ATR: variants seen among roughly 807,000 people sequenced by gnomAD.
ATR encodes the protein serine/threonine-protein kinase ATR.
A neutral mutation model predicts 305.3 loss-of-function variants in ATR; 142 were observed. The ratio of observed to expected loss-of-function variants is 0.47; its 90% CI spans 0.41 to 0.53. ATR has a LOEUF of 0.53. Among genes scored for constraint, ATR ranks in the 20% least tolerant of loss-of-function variants. ATR has a pLI of 0.00. For synonymous variants in ATR, 1,050 were observed against 1,068.1 expected, an observed-to-expected ratio of 0.98 and a Z score of 0.33; for missense variants, 2,135 against 3,133.1, an observed-to-expected ratio of 0.68 and a Z score of 7.60.
At chr3:142,490,832 C>T (rs971047808) in intron 35 of ATR, among the ~76,000 whole-genome samples, 3 of 152,104 alleles carry the variant, frequency 2.0e-5, no homozygotes, top group Non-Finnish European at 4.4e-5. Flanking sequence ...TTAATTCACT[C>T]AATATTTTGA....
In ATR at chr3:142,453,231, A is replaced by T. The variant is rs1043401586; in HGVS notation, c.7658T>A (p.Val2553Asp). The change falls in exon 46 of 47, where the codon GTC (valine) becomes GAC (aspartate). Residue 2553 changes from valine to aspartate, a missense_variant and splice_region_variant. By Grantham distance (152) the Val-to-Asp change is radical. Around this residue, in one of 9 missense-constraint regions of ATR, gnomAD observed 462 missense variants for 887.6 expected, o/e 0.52. Transcript: ENST00000350721. ...MRDQREPLMS[V>D]LKTFLHDPLV... is the part of the protein sequence containing the mutation. Reference sequence around the variant, plus strand: ...AGGATCATGTAGAAAAGTCTTTAAGACACTAAAATTGAAACAAATATTATG... The same window carrying T: ...AGGATCATGTAGAAAAGTCTTTAAGTCACTAAAATTGAAACAAATATTATG... 2 of 1,612,438 alleles carry T rather than the reference A, an allele frequency of 1.2e-6. No individual in the cohort carries two copies. The highest frequency in any genetic ancestry group is 1.7e-6 in the Non-Finnish European group (2 of 1,178,612).
rs1042733748 is a variant in ATR at position 142,451,970 on chromosome 3, A to G, written c.7761+1158T>C. 5 of 1,112,278 alleles carry G rather than the reference A, an allele frequency of 4.5e-6. No individual in the cohort carries two copies. The African/African-American group carries it at 8.2e-5, about 18-fold the overall frequency. The allele number at this position is 1,112,278 out of a possible 1,614,324, so 68.9% of individuals were successfully genotyped here. A position where few individuals can be genotyped will look rare whatever the true frequency, so the allele number is the denominator to read the frequency against. On this transcript the variant is annotated intron_variant, in intron 46 of 46. Transcript: ENST00000350721. The stretch of plus-strand genomic sequence containing the variant: ...TATCTATCACTTAACGAAAAGGAAC[A>G]TGTCCCAGAGACCATCTGCTCTTCA...
chr3:142,515,149 G>C (rs1015522849), intron 25 of ATR, among the ~76,000 whole-genome samples: 3 of 151,888 alleles, frequency 2.0e-5, no homozygotes, highest in Non-Finnish European at 4.4e-5. Context: ...AGGAATAAAT[G>C]TAATTTTACA....
chr3:142,529,864 T>A (rs1467413959), intron 21 of ATR, among the ~76,000 whole-genome samples: 1 of 152,184 alleles, frequency 6.6e-6, no homozygotes, highest in Admixed American at 6.5e-5. Flanking sequence ...TTGAAGACTT[T>A]TTATTATTAA....
At position 142,498,664 on chromosome 3, in the gene ATR, T is replaced by C. The variant is rs2108341063; in HGVS notation, c.5491A>G (p.Ile1831Val). ...DSLKLVRAEQIVPLSAASFER... is the reference protein window; with the variant it reads ...DSLKLVRAEQVVPLSAASFER... ...AAGCTTGCAGCTGAAAGAGGTACAA[T>C]TTGTTCTGCTCTCACTAGTTTCAGT... Residue 1831 changes from isoleucine (I) to valine (V), a missense_variant, in exon 32 of 47, where the codon ATT becomes GTT. Transcript: ENST00000350721. 6.2e-7 allele frequency: 1 copy of C among 1,614,116 alleles called. No individual in the cohort carries two copies. The highest frequency in any genetic ancestry group is 8.5e-7 in the Non-Finnish European group (1 of 1,180,008).
intron 2 of ATR, among the ~76,000 whole-genome samples, chr3:142,567,219 T>C (rs561736788): frequency 9.9e-5 from 15 of 152,146 alleles, no homozygotes; most frequent in Admixed American, 3.3e-4. Context: ...CTAATAATTA[T>C]AATACAATAT....
At chr3:142,453,333 C>G (rs1416047996) in intron 45 of ATR, 100 bp from the exon 46 acceptor site, 17 of 1,368,598 alleles carry the variant, frequency 1.2e-5, no homozygotes, top group Non-Finnish European at 1.5e-5. Flanking sequence ...AATGGTAATA[C>G]TCTTATAATA....
At chr3:142,577,016 T>C (rs2108510388) in intron 1 of ATR, among the ~76,000 whole-genome samples, 1 of 152,326 alleles carries the variant, frequency 6.6e-6, no homozygotes, top group Middle Eastern at 3.4e-3. Context: ...AGCTGTGCCT[T>C]TGGTTCTTCA....
chr3:142,451,514 CAG>C (rs2070788185), intron 46 of ATR: 2 of 1,424,074 alleles, frequency 1.4e-6, no homozygotes, highest in Non-Finnish European at 1.9e-6. Context: ...CCCATAGAAA[CAG>C]AAAGAGAACA....
chr3:142,571,752 A>T (rs1393867609), intron 1 of ATR, among the ~76,000 whole-genome samples: 1 of 152,184 alleles, frequency 6.6e-6, no homozygotes, highest in Non-Finnish European at 1.5e-5. Context: ...TAGTGGTAAA[A>T]GAAAAAGAGT....
chr3:142,564,619 C>A (rs1242030999), intron 3 of ATR, among the ~76,000 whole-genome samples: 1 of 152,142 alleles, frequency 6.6e-6, no homozygotes, highest in Non-Finnish European at 1.5e-5. Flanking sequence ...GTTTCTTGAG[C>A]TTTTTGACTG....
intron 10 of ATR, 139 bp from the exon 11 acceptor site, chr3:142,554,154 A>G: frequency 1.6e-6 from 1 of 644,080 alleles, no homozygotes; most frequent in Non-Finnish European, 2.5e-6. Flanking sequence ...TTAAGTATGT[A>G]TAGCACACAG....
intron 16 of ATR, among the ~76,000 whole-genome samples, chr3:142,547,096 AG>A (rs1577673627): frequency 6.6e-6 from 1 of 152,228 alleles, no homozygotes; most frequent in East Asian, 1.9e-4. Context: ...TACAAGAATA[AG>A]GGCAGTTGAA....
At chr3:142,509,308 C>T (rs987858513) in intron 27 of ATR, among the ~76,000 whole-genome samples, 2 of 152,010 alleles carry the variant, frequency 1.3e-5, no homozygotes, top group South Asian at 2.1e-4. Flanking sequence ...GGACCATAGG[C>T]ATGTGCCACC....
At chr3:142,463,429 C>T (rs1018375504) in intron 41 of ATR, among the ~76,000 whole-genome samples, 1 of 152,164 alleles carries the variant, frequency 6.6e-6, no homozygotes, top group African/African-American at 2.4e-5. Flanking sequence ...CAGAATCTCA[C>T]TCTGTCACCC....
At chr3:142,546,374 T>C (rs2034269082) in intron 16 of ATR, among the ~76,000 whole-genome samples, 1 of 152,208 alleles carries the variant, frequency 6.6e-6, no homozygotes, top group South Asian at 2.1e-4. Context: ...TCCCTTAACC[T>C]TGCCATGTCA....
rs2031648197 is a variant in ATR, at chr3:142,496,395, A to G, written c.5864T>C (p.Leu1955Pro). ...LNAGESRLAE[L>P]YVERAKWLWS... ...GAGCCACTTTGCCCTTTCCACGTAC[A>G]GTTCAGCGAGTCGTGATTCCCCTGC... Residue 1955 changes from leucine to proline, a missense_variant, in exon 34 of 47, where the codon CTG becomes CCG. Physicochemically the swap from Leu to Pro is moderately conservative, Grantham distance 98. This residue lies in a region of ATR where 462 missense variants were observed against 887.6 expected (regional missense o/e 0.52). Transcript: ENST00000350721. The G allele has an allele frequency of 6.3e-7, 1 of 1,594,998 alleles. No individual in the cohort carries two copies. The highest frequency in any genetic ancestry group is 8.5e-7 in the Non-Finnish European group (1 of 1,171,972).
At chr3:142,560,492 A>C (rs767048912) in intron 5 of ATR, 38 bp from the exon 6 acceptor site, 1 of 1,539,908 alleles carries the variant, frequency 6.5e-7, no homozygotes, top group Non-Finnish European at 9.0e-7. Flanking sequence ...ATTCATATGC[A>C]ATATAAATTT....
intron 29 of ATR, among the ~76,000 whole-genome samples, chr3:142,504,900 G>C (rs1026448217): frequency 7.9e-5 from 12 of 151,966 alleles, no homozygotes; most frequent in African/African-American, 2.9e-4. Flanking sequence ...GTTTCGGCTG[G>C]ATGTGGTGTG....
Sources: gnomAD v4.1 joint callset for allele counts (sites outside exome capture counted in the v4.1 genomes callset) on GRCh38, gnomAD v4.1.1 for gene constraint, gnomAD v4.1.1 regional missense constraint, MANE v1.5 for transcripts, NCBI Gene and HGNC (gene_info 2026-07-23, HGNC 2026-07-21) for gene names.